TMTC1: variants seen among roughly 807,000 people sequenced by gnomAD.
The protein encoded by TMTC1 is protein O-mannosyl-transferase TMTC1.
In TMTC1, 73 loss-of-function variants were observed where a neutral mutation model predicts 104.8. That is an observed-to-expected ratio of 0.70 (90% CI 0.58 to 0.85). TMTC1 has a LOEUF of 0.85. Ranked by LOEUF, TMTC1 falls within the 40% of genes least tolerant of loss-of-function variation. TMTC1 has a pLI of 0.00. For synonymous variants in TMTC1, 434 were observed against 428.7 expected (o/e 1.01, Z -0.15); for missense variants, 1,035 against 1,096.1 (o/e 0.94, Z 0.79).
chr12:29,506,880 C>T lies in TMTC1; in HGVS notation c.2615G>A (p.Arg872Gln), dbSNP rs770031173. 1.1e-5 allele frequency: 18 copies of T among 1,613,986 alleles called. No individual in the cohort carries two copies. The Middle Eastern group carries it at 4.9e-4, about 44-fold the overall frequency. ...NLAKLDRLEK[R>Q]LQEVREKDQT is the part of the protein sequence containing the mutation. ...ATCCTTTTCTCGAACTTCTTGTAAT[C>T]GTTTTTCTAGGCGATCCAATTTGGC... The change falls in exon 18 of 18, where the codon CGA (arginine) becomes CAA (glutamine). Residue 872 changes from arginine (R) to glutamine (Q), a missense_variant. Coordinates refer to ENST00000539277, the MANE Select transcript of TMTC1 (RefSeq NM_001193451.2).
Position 29,516,349 on chromosome 12 carries a change from C to T in TMTC1, c.2307G>A (p.Lys769=), listed in dbSNP as rs762025819. The T allele has an allele frequency of 5.6e-6, 9 of 1,612,248 alleles. No homozygotes were observed. Among genetic ancestry groups the T allele is most frequent in the Admixed American group, 1.7e-5 (1 of 59,816 alleles). ...AACTCTAAACAATGTCCTTCTTTAC[C>T]TTGTCGTGGTTCTCCTGCTTGCTAT... ...AIYSKQENHD[K]ALDAIDKALQ... The change falls in exon 15 of 18, where the codon AAG becomes AAA. Residue 769 remains lysine, a splice_region_variant and synonymous_variant. Coordinates refer to ENST00000539277, the MANE Select transcript of TMTC1 (RefSeq NM_001193451.2).
chr12:29,521,615 T>G (rs965810308), intron 11 of TMTC1, among the ~76,000 whole-genome samples: 1 of 145,436 alleles, frequency 6.9e-6, no homozygotes, highest in African/African-American at 2.6e-5. Context: ...TCGCCTTGGC[T>G]GGAGTGCAAT....
intron 5 of TMTC1, among the ~76,000 whole-genome samples, chr12:29,703,434 A>G (rs1385544371): frequency 2.0e-5 from 3 of 152,234 alleles, no homozygotes; most frequent in Non-Finnish European, 4.4e-5. Context: ...GTTTCCGAGT[A>G]AAGATTCTTA....
At chr12:29,648,788 T>G (rs921832701) in intron 5 of TMTC1, among the ~76,000 whole-genome samples, 1 of 152,218 alleles carries the variant, frequency 6.6e-6, no homozygotes, top group African/African-American at 2.4e-5. Context: ...ATATTTTGTT[T>G]CAATGAATAT....
At chr12:29,594,705 C>T (rs67491988) in intron 7 of TMTC1, among the ~76,000 whole-genome samples, 20,087 of 152,248 alleles carry the variant, frequency 0.13, 1,571 homozygotes, top group Middle Eastern at 0.21. Flanking sequence ...CACCCACATC[C>T]TCCCCGCAAA....
chr12:29,617,079 A>C (rs1947002048), intron 6 of TMTC1, among the ~76,000 whole-genome samples: 1 of 151,948 alleles, frequency 6.6e-6, no homozygotes, highest in Non-Finnish European at 1.5e-5. Flanking sequence ...CTATACCTAC[A>C]TATTCCCTAC....
At chr12:29,755,683 G>A in intron 4 of TMTC1, 26 bp downstream of exon 4, 1 of 1,598,342 alleles carries the variant, frequency 6.3e-7, no homozygotes, top group Non-Finnish European at 8.5e-7. Flanking sequence ...CATGCCATTT[G>A]ATATCAAAAC....
chr12:29,602,688 A>T (rs575030192), intron 7 of TMTC1, among the ~76,000 whole-genome samples: 13 of 152,254 alleles, frequency 8.5e-5, no homozygotes, highest in African/African-American at 2.2e-4. Flanking sequence ...ATTTTGATGC[A>T]ATTAATGACA....
chr12:29,644,964 G>C (rs1939202002), intron 5 of TMTC1, among the ~76,000 whole-genome samples: 1 of 152,080 alleles, frequency 6.6e-6, no homozygotes, highest in Non-Finnish European at 1.5e-5. Flanking sequence ...GGCCAGGTGG[G>C]TGTCCCATTG....
chr12:29,674,050 C>T (rs961559441), intron 5 of TMTC1, among the ~76,000 whole-genome samples: 43 of 151,608 alleles, frequency 2.8e-4, no homozygotes, highest in African/African-American at 9.5e-4. Context: ...TGAGCCACCA[C>T]GCCCAGCCTT....
intron 6 of TMTC1, among the ~76,000 whole-genome samples, chr12:29,619,481 T>A (rs1433084507): frequency 6.6e-6 from 1 of 151,324 alleles, no homozygotes; most frequent in African/African-American, 2.5e-5. Context: ...CAAGGGCCAC[T>A]GATTTTCAGG....
In TMTC1 at chr12:29,556,871, C is replaced by A. The variant is rs575693363; in HGVS notation, c.1662G>T (p.Leu554=). Residue 554 remains leucine, a synonymous_variant, in exon 10 of 18, where the codon CTG becomes CTT. Coordinates refer to ENST00000539277, the MANE Select transcript of TMTC1 (RefSeq NM_001193451.2). ...GTCCCACTTACTTGAGGAGATTCCCCAGATTGAAAAGAGCCCGGTTATGCT... is the reference window on the plus strand; with the variant it reads ...GTCCCACTTACTTGAGGAGATTCCCAAGATTGAAAAGAGCCCGGTTATGCT... ...HPQHNRALFN[L]GNLLKSQEKK... is the part of the protein sequence containing the mutation. 2 of 1,614,044 alleles carry A rather than the reference C, an allele frequency of 1.2e-6. No homozygotes were observed. Among genetic ancestry groups the A allele is most frequent in the East Asian group, 2.2e-5 (1 of 44,872 alleles).
intron 5 of TMTC1, among the ~76,000 whole-genome samples, chr12:29,679,563 C>T (rs1044196476): frequency 6.6e-6 from 1 of 152,068 alleles, no homozygotes; most frequent in African/African-American, 2.4e-5. Context: ...TCCTCTATAA[C>T]CAACATTCAT....
intron 6 of TMTC1, among the ~76,000 whole-genome samples, chr12:29,605,768 T>C (rs1946681977): frequency 6.6e-6 from 1 of 152,172 alleles, no homozygotes; most frequent in Admixed American, 6.5e-5. Flanking sequence ...CAAGGGTATA[T>C]TGTGTGATGC....
chr12:29,732,714 T>TC (rs199771772), intron 5 of TMTC1, among the ~76,000 whole-genome samples: 3,163 of 152,202 alleles, frequency 0.021, 50 homozygotes, highest in South Asian at 0.03. Context: ...TGCTGAGGGG[T>TC]CTGGGTGTCC....
At chr12:29,747,805 C>T (rs1037477983) in intron 5 of TMTC1, among the ~76,000 whole-genome samples, 1 of 152,218 alleles carries the variant, frequency 6.6e-6, no homozygotes, top group South Asian at 2.1e-4. Flanking sequence ...TGTACAAATG[C>T]TTTTAGTCCT....
chr12:29,522,554 A>ATG (rs4034168), intron 11 of TMTC1, among the ~76,000 whole-genome samples: 5,837 of 148,744 alleles, frequency 0.039, 131 homozygotes, highest in Middle Eastern at 0.087. Flanking sequence ...AGGACTGACA[A>ATG]TGTGTGTGTG....
intron 11 of TMTC1, among the ~76,000 whole-genome samples, chr12:29,531,058 A>G (rs1162991362): frequency 6.6e-6 from 1 of 152,114 alleles, no homozygotes; most frequent in African/African-American, 2.4e-5. Flanking sequence ...TGTGTTAGAC[A>G]TTGGGGAGGG....
intron 5 of TMTC1, among the ~76,000 whole-genome samples, chr12:29,687,249 G>C (rs1227828586): frequency 2.0e-5 from 3 of 152,222 alleles, no homozygotes; most frequent in Non-Finnish European, 4.4e-5. Flanking sequence ...AAGTTAACAT[G>C]ATGAGTAGTG....
Sources: gnomAD v4.1 joint callset for allele counts (sites outside exome capture counted in the v4.1 genomes callset) on GRCh38, gnomAD v4.1.1 for gene constraint, MANE v1.5 for transcripts, NCBI Gene and HGNC (gene_info 2026-07-23, HGNC 2026-07-21) for gene names.